The following IL1RAPL2 variants were observed in gnomAD, a reference collection of about 807,000 sequenced individuals.
The protein encoded by IL1RAPL2 is X-linked interleukin-1 receptor accessory protein-like 2.
A neutral mutation model predicts 44.1 loss-of-function variants in IL1RAPL2; 3 were observed. The ratio of observed to expected loss-of-function variants is 0.07; its 90% CI spans 0.03 to 0.18. IL1RAPL2 has a LOEUF of 0.18. IL1RAPL2 is among the 10% of genes least tolerant of loss of function. IL1RAPL2 has a pLI of 1.00. For missense variants in IL1RAPL2, 391 were observed against 496.4 expected (o/e 0.79, Z 2.02); for synonymous variants, 181 against 178.8 (o/e 1.01, Z -0.10).
intron 5 of IL1RAPL2, among the ~76,000 whole-genome samples, chrX:105,282,742 G>A (rs1255338591): frequency 1.8e-5 from 2 of 111,745 alleles, no homozygotes; most frequent in Non-Finnish European, 3.8e-5. Context: ...AAATGAGATA[G>A]AAGGGCAGTA....
At chrX:105,158,518 C>G (rs1056335728) in intron 2 of IL1RAPL2, among the ~76,000 whole-genome samples, 2 of 112,133 alleles carry the variant, frequency 1.8e-5, no homozygotes, top group Non-Finnish European at 3.8e-5. Flanking sequence ...GGTGCAGACA[C>G]GAAACCTGAG....
At chrX:105,377,221 T>G (rs1452508743) in intron 5 of IL1RAPL2, among the ~76,000 whole-genome samples, 2 of 111,915 alleles carry the variant, frequency 1.8e-5, no homozygotes, top group Admixed American at 1.9e-4. Context: ...GTAATGTGTT[T>G]TAGAGATTTC....
At chrX:105,460,144 T>C (rs776930658) in intron 5 of IL1RAPL2, among the ~76,000 whole-genome samples, 68 of 111,165 alleles carry the variant, frequency 6.1e-4, no homozygotes, top group African/African-American at 1.5e-3. Flanking sequence ...TTAGTTCCTT[T>C]TGTTTCTTCT....
rs145507126 is a variant in IL1RAPL2, at chrX:105,603,410, T to C, written c.773-113957T>C. Among the ~76,000 whole-genome samples the C allele has an allele frequency of 1.6e-3, 178 of 111,620 alleles. 2 individuals carry two copies. The highest frequency in any genetic ancestry group is 5.4e-3 in the African/African-American group (166 of 30,826). ...TATTTACATAAGATAAAATAGACTTTAAGTCAAAAACTGTTAAAACAACCA... is the reference window on the plus strand; with the variant it reads ...TATTTACATAAGATAAAATAGACTTCAAGTCAAAAACTGTTAAAACAACCA... On this transcript the variant is annotated intron_variant, in intron 6 of 10. Transcript: ENST00000372582.
chrX:105,318,540 A>G (rs1012658429), intron 5 of IL1RAPL2, among the ~76,000 whole-genome samples: 2 of 111,570 alleles, frequency 1.8e-5, no homozygotes, highest in African/African-American at 6.5e-5. Context: ...AGGCAGGAGC[A>G]TGGGTTATTC....
rs926789873 is a variant in IL1RAPL2 at position 104,890,955 on chromosome X, C to G, written c.82+231960C>G. ...AGGTCTAACATTTAATTCTTTACTC[C>G]CTCTTGAATTAATTTTTGTATAAGG... On this transcript the variant is annotated intron_variant, in intron 2 of 10. Coordinates refer to ENST00000372582, the MANE Select transcript of IL1RAPL2 (RefSeq NM_017416.2). 3.6e-5 allele frequency among the ~76,000 whole-genome samples: 4 copies of G among 111,671 alleles called. No homozygotes were observed. In the South Asian group the frequency reaches 1.5e-3, roughly 42 times the overall value.
intron 2 of IL1RAPL2, among the ~76,000 whole-genome samples, chrX:105,034,270 G>C: frequency 8.9e-6 from 1 of 112,373 alleles, no homozygotes; most frequent in South Asian, 3.7e-4. Flanking sequence ...CTGGTGAGGA[G>C]CTGCGTTCCT....
At position 105,219,512 on chromosome X, in the gene IL1RAPL2, C is replaced by T. The variant is rs782537866; in HGVS notation, c.357-14306C>T. 1.1e-4 allele frequency: 135 copies of T among 1,207,201 alleles called. 1 individual carries two copies. The East Asian group carries it at 3.2e-3, about 29-fold the overall frequency. ...TCCATGGAGGCAGCCCTGGCCTCCA[C>T]GTGGGGGAACTGGGTCTCCATGGGG... On this transcript the variant is annotated intron_variant, in intron 3 of 10. Coordinates refer to ENST00000372582, the MANE Select transcript of IL1RAPL2 (RefSeq NM_017416.2).
At chrX:105,143,164 A>T (rs181708072) in intron 2 of IL1RAPL2, among the ~76,000 whole-genome samples, 238 of 111,684 alleles carry the variant, frequency 2.1e-3, no homozygotes, top group African/African-American at 6.5e-3. Context: ...GACAAGCTAC[A>T]GAATGGGAGA....
chrX:104,975,428 G>A (rs2030313806), intron 2 of IL1RAPL2, among the ~76,000 whole-genome samples: 1 of 112,117 alleles, frequency 8.9e-6, no homozygotes, highest in Admixed American at 9.4e-5. Flanking sequence ...CAAAACACAA[G>A]TTGTAATGAC....
chrX:104,664,512 C>T (rs943132705), intron 2 of IL1RAPL2, among the ~76,000 whole-genome samples: 2 of 111,488 alleles, frequency 1.8e-5, no homozygotes, highest in Non-Finnish European at 1.9e-5. Flanking sequence ...TCCTTTTCTC[C>T]GAGATCACAG....
chrX:105,178,951 TTACTC>T (rs766756882), intron 2 of IL1RAPL2, among the ~76,000 whole-genome samples: 26 of 111,987 alleles, frequency 2.3e-4, no homozygotes, highest in Non-Finnish European at 3.4e-4. Flanking sequence ...GGTTATCTCT[TTACTC>T]TATTGATTAT....
intron 2 of IL1RAPL2, among the ~76,000 whole-genome samples, chrX:105,053,723 A>G (rs2031957056): frequency 8.9e-6 from 1 of 112,435 alleles, no homozygotes; most frequent in South Asian, 3.6e-4. Context: ...ATAAACAAAT[A>G]GAGTAAAGTT....
At chrX:105,653,449 G>A (rs930992477) in intron 6 of IL1RAPL2, among the ~76,000 whole-genome samples, 5 of 111,088 alleles carry the variant, frequency 4.5e-5, no homozygotes, top group African/African-American at 1.6e-4. Context: ...ATCTGATATA[G>A]CAATGATATT....
intron 3 of IL1RAPL2, chrX:105,220,267 T>C: frequency 8.3e-7 from 1 of 1,211,229 alleles, no homozygotes; most frequent in Non-Finnish European, 1.1e-6. Context: ...TTCCACCTTC[T>C]CCCAGGATAA....
At chrX:105,070,047 G>A (rs1251232211) in intron 2 of IL1RAPL2, among the ~76,000 whole-genome samples, 3 of 111,638 alleles carry the variant, frequency 2.7e-5, no homozygotes, top group African/African-American at 9.8e-5. Flanking sequence ...GTAATCTCTT[G>A]GTCTAGGCAG....
chrX:105,626,701 C>T (rs913918918), intron 6 of IL1RAPL2, among the ~76,000 whole-genome samples: 1 of 111,112 alleles, frequency 9.0e-6, no homozygotes, highest in African/African-American at 3.3e-5. Context: ...GTAACCATCA[C>T]CCAAATAGTG....
intron 1 of IL1RAPL2, among the ~76,000 whole-genome samples, chrX:104,654,548 C>T (rs184185746): frequency 8.7e-4 from 97 of 111,302 alleles, no homozygotes; most frequent in African/African-American, 3.0e-3. Context: ...ATCAAAGAGG[C>T]ACCTGGGGGC....
chrX:104,753,136 C>A (rs1932288313), intron 2 of IL1RAPL2, among the ~76,000 whole-genome samples: 1 of 97,787 alleles, frequency 1.0e-5, no homozygotes, highest in Non-Finnish European at 2.1e-5. Context: ...CCCACAATAT[C>A]TTTTTTTTTT....
Sources: gnomAD v4.1 joint callset for allele counts (sites outside exome capture counted in the v4.1 genomes callset) on GRCh38, gnomAD v4.1.1 for gene constraint, MANE v1.5 for transcripts, NCBI Gene and HGNC (gene_info 2026-07-23, HGNC 2026-07-21) for gene names.